The following PLA2G15 variants were observed in gnomAD, a reference collection of about 807,000 sequenced individuals.
PLA2G15 encodes lysosomal phospholipase A and acyltransferase.
A neutral mutation model predicts 40.9 loss-of-function variants in PLA2G15; 20 were observed. The observed-to-expected ratio is 0.49, with a 90% CI of 0.34 to 0.71. The LOEUF (loss-of-function observed/expected upper bound fraction) is 0.71. PLA2G15 is among the 30% of genes least tolerant of loss of function. PLA2G15 has a pLI of 0.01. For synonymous variants in PLA2G15, 223 were observed against 228.2 expected, an observed-to-expected ratio of 0.98 and a Z score of 0.21; for missense variants, 471 against 541.9, an observed-to-expected ratio of 0.87 and a Z score of 1.30.
chr16:68,246,447 T>A (rs2042309738), intron 1 of PLA2G15, among the ~76,000 whole-genome samples: 1 of 152,202 alleles, frequency 6.6e-6, no homozygotes, highest in South Asian at 2.1e-4. Flanking sequence ...TGGAGTCTAG[T>A]GCAGCATGAT....
intron 1 of PLA2G15, chr16:68,248,579 CT>C: frequency 4.5e-6 from 1 of 224,460 alleles, no homozygotes; most frequent in Non-Finnish European, 9.2e-6. Context: ...TAGAGATGGG[CT>C]TTCACCATAT....
intron 1 of PLA2G15, chr16:68,248,390 CT>C (rs551639201): frequency 2.6e-3 from 382 of 145,858 alleles, no homozygotes; most frequent in South Asian, 8.1e-3. Context: ...GGGTATATAT[CT>C]TTTTTTTTTT....
chr16:68,248,995 A>C (rs1292910414), intron 1 of PLA2G15, among the ~76,000 whole-genome samples: 1 of 152,170 alleles, frequency 6.6e-6, no homozygotes, highest in Non-Finnish European at 1.5e-5. Context: ...GTTGGAGACA[A>C]TGTTAGGGCC....
Position 68,254,852 on chromosome 16 carries a change from G to A in PLA2G15, c.285-67G>A, listed in dbSNP as rs1216265465. On this transcript the variant is annotated intron_variant, in intron 2 of 5. Coordinates refer to ENST00000219345, the MANE Select transcript of PLA2G15 (RefSeq NM_012320.4). ...AAGGGAGTATGACTCAGGACATGAT[G>A]CACTGTTGGGACACACCAAGCTCAG... 41 of 938,588 alleles carry A rather than the reference G, an allele frequency of 4.4e-5. No homozygotes were observed. In the Admixed American group the frequency reaches 7.3e-4, roughly 17 times the overall value. 58.1% of individuals were successfully genotyped at this position (938,588 alleles called of 1,614,324 possible). A position where few individuals can be genotyped will look rare whatever the true frequency, so the allele number is the denominator to read the frequency against.
At chr16:68,245,848 A>G (rs906287389) in intron 1 of PLA2G15, among the ~76,000 whole-genome samples, 4 of 151,784 alleles carry the variant, frequency 2.6e-5, no homozygotes, top group Non-Finnish European at 2.9e-5. Flanking sequence ...CCCTTATCCC[A>G]TTTTTAAGCT....
At chr16:68,256,527 T>C (rs930793907) in intron 5 of PLA2G15, 1 of 152,220 alleles carries the variant, frequency 6.6e-6, no homozygotes, top group Non-Finnish European at 1.5e-5. Flanking sequence ...TAATTTTTAT[T>C]TTTTGAGACA....
At chr16:68,258,756 C>G in intron 5 of PLA2G15, 1 of 194,022 alleles carries the variant, frequency 5.2e-6, no homozygotes. Flanking sequence ...GCACTCCAGC[C>G]TGGGTGACAG....
At chr16:68,253,493 A>T in intron 2 of PLA2G15, 1 of 432,388 alleles carries the variant, frequency 2.3e-6, no homozygotes, top group Non-Finnish European at 4.7e-6. Flanking sequence ...CTCCTGCCTC[A>T]GACTCCGGAT....
intron 2 of PLA2G15, among the ~76,000 whole-genome samples, chr16:68,251,857 CA>C (rs57051096): frequency 0.14 from 10,894 of 77,266 alleles, 713 homozygotes; most frequent in African/African-American, 0.32. Flanking sequence ...GAGACTGTCT[CA>C]AAAAAAAAAA....
chr16:68,255,191 C>A lies in PLA2G15; in HGVS notation c.404-91C>A, dbSNP rs2042390408. On this transcript the variant is annotated intron_variant, in intron 3 of 5. Coordinates refer to ENST00000219345, the MANE Select transcript of PLA2G15 (RefSeq NM_012320.4). The surrounding 1 kb of genome is among the most constrained non-coding windows in gnomAD (Gnocchi z 5.9). ...GAGCCCTGTAGCATTCTTCCAAGGA[C>A]CTGCTAGCTGTCACAGTCTCCATGC... 9.4e-7 allele frequency: 1 copy of A among 1,058,824 alleles called. No individual in the cohort carries two copies. The highest frequency in any genetic ancestry group is 1.8e-5 in the Admixed American group (1 of 54,952). 65.6% of individuals were successfully genotyped at this position (1,058,824 alleles called of 1,614,324 possible).
At position 68,259,488 on chromosome 16, in the gene PLA2G15, G is replaced by A; in HGVS notation, c.1070G>A (p.Gly357Asp). The part of the protein sequence containing the change: ...FPDRDPKICF[G>D]DGDGTVNLKS... ...GACCGTGACCCTAAAATCTGCTTTG[G>A]TGACGGCGATGGTACTGTGAACTTG... Residue 357 changes from glycine to aspartate, a missense_variant, in exon 6 of 6, where the codon GGT becomes GAT. Gly to Asp is a moderately conservative substitution (Grantham distance 94). Transcript: ENST00000219345. This position sits in a 1 kb window ranked among gnomAD's most constrained non-coding sequence, Gnocchi z 6.5. 1.2e-6 allele frequency: 2 copies of A among 1,613,244 alleles called. No homozygotes were observed. Among genetic ancestry groups the A allele is most frequent in the Non-Finnish European group, 1.7e-6 (2 of 1,180,020 alleles).
At chr16:68,253,691 G>GTTTTTTTTT (rs58831503) in intron 2 of PLA2G15, among the ~76,000 whole-genome samples, 66 of 124,884 alleles carry the variant, frequency 5.3e-4, no homozygotes, top group East Asian at 7.9e-4. Context: ...GTTTTGTTTT[G>GTTTTTTTTT]TTTTTTTTTT....
At position 68,249,327 on chromosome 16, in the gene PLA2G15, G is replaced by T. The variant is rs1451974656; in HGVS notation, c.165G>T (p.Leu55=). Residue 55 remains leucine, a synonymous_variant, in exon 2 of 6, where the codon CTG becomes CTT. Transcript: ENST00000219345. ...TGGGTAACCAACTGGAAGCCAAGCTGGACAAGCCGACAGTGGTGCACTACC... is the reference window on the plus strand; with the variant it reads ...TGGGTAACCAACTGGAAGCCAAGCTTGACAAGCCGACAGTGGTGCACTACC... The part of the protein sequence containing the change: ...GDLGNQLEAK[L]DKPTVVHYLC... 1.9e-6 allele frequency: 3 copies of T among 1,613,980 alleles called. No homozygotes were observed. Among genetic ancestry groups the T allele is most frequent in the African/African-American group, 1.3e-5 (1 of 74,920 alleles).
chr16:68,256,949 T>G (rs1232167546), intron 5 of PLA2G15, among the ~76,000 whole-genome samples: 5 of 151,562 alleles, frequency 3.3e-5, no homozygotes, highest in Non-Finnish European at 7.4e-5. Flanking sequence ...TAGCGTGATT[T>G]TGGTTCATGC....
chr16:68,253,333 C>T (rs1030118965), intron 2 of PLA2G15: 2 of 382,082 alleles, frequency 5.2e-6, no homozygotes, highest in Non-Finnish European at 5.3e-6. Flanking sequence ...CCCACCCATA[C>T]AGCAGCCCTG....
chr16:68,247,841 C>A (rs181999132), intron 1 of PLA2G15, among the ~76,000 whole-genome samples: 3 of 152,290 alleles, frequency 2.0e-5, no homozygotes, highest in Admixed American at 2.0e-4. Flanking sequence ...GGACCCTAAA[C>A]GGGGATGTGT....
In PLA2G15 at chr16:68,255,520, C is replaced by T. The variant is rs558309210; in HGVS notation, c.502+140C>T. The T allele has an allele frequency of 3.0e-6, 2 of 659,196 alleles. No homozygotes were observed. Among genetic ancestry groups the T allele is most frequent in the Admixed American group, 5.8e-5 (2 of 34,574 alleles). The allele number at this position is 659,196 out of a possible 1,614,324, so 40.8% of individuals were successfully genotyped here. A position where few individuals can be genotyped will look rare whatever the true frequency, so the allele number is the denominator to read the frequency against. ...CCTCTGGCATCCAGTCTAGTGGTCA[C>T]AGCCACCACCTTTGGTCAGTCTTAT... On this transcript the variant is annotated intron_variant, in intron 4 of 5. Coordinates refer to ENST00000219345, the MANE Select transcript of PLA2G15 (RefSeq NM_012320.4). The surrounding 1 kb of genome is among the most constrained non-coding windows in gnomAD (Gnocchi z 5.9).
Position 68,255,887 on chromosome 16 carries a change from G to T in PLA2G15, c.624G>T (p.Leu208=), listed in dbSNP as rs1489282474. The T allele has an allele frequency of 6.2e-7, 1 of 1,613,900 alleles. No homozygotes were observed. The highest frequency in any genetic ancestry group is 8.5e-7 in the Non-Finnish European group (1 of 1,179,988). ...SMGNMYTLYF[L]QRQPQAWKDK... Reference sequence around the variant, plus strand: ...GCAACATGTACACGCTCTACTTTCTGCAGCGGCAGCCGCAGGCCTGGAAGG... The same window carrying T: ...GCAACATGTACACGCTCTACTTTCTTCAGCGGCAGCCGCAGGCCTGGAAGG... The change falls in exon 5 of 6, where the codon CTG becomes CTT. Residue 208 remains leucine (L), a synonymous_variant. Transcript: ENST00000219345. This position sits in a 1 kb window ranked among gnomAD's most constrained non-coding sequence, Gnocchi z 5.9.
At position 68,255,518 on chromosome 16, in the gene PLA2G15, C is replaced by T; in HGVS notation, c.502+138C>T. 1.5e-6 allele frequency: 1 copy of T among 659,430 alleles called. No homozygotes were observed. The highest frequency in any genetic ancestry group is 2.6e-6 in the Non-Finnish European group (1 of 381,612). The allele number at this position is 659,430 out of a possible 1,614,324, so 40.8% of individuals were successfully genotyped here. ...GGCCTCTGGCATCCAGTCTAGTGGT[C>T]ACAGCCACCACCTTTGGTCAGTCTT... is the stretch of plus-strand genomic sequence containing the variant. On this transcript the variant is annotated intron_variant, in intron 4 of 5. Coordinates refer to ENST00000219345, the MANE Select transcript of PLA2G15 (RefSeq NM_012320.4). The surrounding 1 kb of genome is among the most constrained non-coding windows in gnomAD (Gnocchi z 5.9).
Sources: allele counts gnomAD v4.1 joint callset (sites outside exome capture counted in the v4.1 genomes callset), GRCh38; gene constraint gnomAD v4.1.1; non-coding constraint Gnocchi (gnomAD v3.1); transcripts MANE v1.5; gene names NCBI Gene and HGNC (gene_info 2026-07-23, HGNC 2026-07-21).